SLC1A6: variants seen among roughly 807,000 people sequenced by gnomAD.
SLC1A6 encodes the protein excitatory amino acid transporter 4.
In SLC1A6, 15 loss-of-function variants were observed where a neutral mutation model predicts 42.1. The ratio of observed to expected loss-of-function variants is 0.36; its 90% CI spans 0.24 to 0.55. The LOEUF is 0.55. Ranked by LOEUF, SLC1A6 falls within the 20% of genes least tolerant of loss-of-function variation. The pLI, the probability that SLC1A6 is intolerant of heterozygous loss-of-function variation, is 0.88. For synonymous variants in SLC1A6, 317 were observed against 319.7 expected (o/e 0.99, Z 0.09); for missense variants, 542 against 772.5 (o/e 0.70, Z 3.54).
intron 7 of SLC1A6, 152 bp downstream of exon 7, chr19:14,956,324 G>A (rs2045462670): frequency 9.3e-6 from 5 of 535,370 alleles, no homozygotes; most frequent in Non-Finnish European, 3.3e-6. Flanking sequence ...GACAATGACT[G>A]GACCCCAGGT....
chr19:14,961,495 G>A (rs886134543), intron 6 of SLC1A6: 1 of 154,172 alleles, frequency 6.5e-6, no homozygotes, highest in Non-Finnish European at 1.4e-5. Context: ...GAACAGATAA[G>A]CAAGGGAGTG....
intron 1 of SLC1A6, among the ~76,000 whole-genome samples, chr19:15,001,126 G>A (rs755388403): frequency 1.3e-5 from 2 of 151,996 alleles, no homozygotes; most frequent in Non-Finnish European, 2.9e-5. Flanking sequence ...GTCACTCAGC[G>A]AACAAATATT....
intron 5 of SLC1A6, among the ~76,000 whole-genome samples, chr19:14,963,831 CT>C (rs5827267): frequency 0.7 from 99,114 of 141,144 alleles, 34,575 homozygotes; most frequent in African/African-American, 0.8. Context: ...CCTAAGTCCT[CT>C]TTTTTTTTTT....
intron 3 of SLC1A6, among the ~76,000 whole-genome samples, chr19:14,969,305 G>A (rs10403281): frequency 1.3e-5 from 2 of 152,050 alleles, no homozygotes; most frequent in Non-Finnish European, 2.9e-5. Flanking sequence ...AGAGCACTGA[G>A]TACAATAGCT....
intron 9 of SLC1A6, 38 bp from the exon 10 acceptor site, chr19:14,950,428 C>T: frequency 6.8e-7 from 1 of 1,461,502 alleles, no homozygotes; most frequent in Non-Finnish European, 9.2e-7. Flanking sequence ...TTAATGGGGG[C>T]TTGAAAAGCT....
intron 5 of SLC1A6, 165 bp downstream of exon 5, chr19:14,964,154 A>G (rs779539287): frequency 3.1e-5 from 20 of 649,562 alleles, no homozygotes; most frequent in Admixed American, 2.5e-4. Context: ...TAACCCCCCC[A>G]GATCACCATG....
chr19:14,965,664 A>G (rs1311875071), intron 4 of SLC1A6, among the ~76,000 whole-genome samples: 1 of 152,146 alleles, frequency 6.6e-6, no homozygotes, highest in Non-Finnish European at 1.5e-5. Context: ...AGCCTGGCCA[A>G]CATGATGAAA....
chr19:14,958,012 C>T (rs772890019), intron 6 of SLC1A6, among the ~76,000 whole-genome samples: 1 of 152,188 alleles, frequency 6.6e-6, no homozygotes, highest in Non-Finnish European at 1.5e-5. Context: ...AGGGGCTCAC[C>T]TGTTTCCCCC....
intron 1 of SLC1A6, among the ~76,000 whole-genome samples, chr19:15,000,957 GTTC>G (rs1276748791): frequency 6.6e-6 from 1 of 152,182 alleles, no homozygotes; most frequent in Non-Finnish European, 1.5e-5. Flanking sequence ...CCTTTCAACA[GTTC>G]TTCTTCCCAC....
chr19:14,991,193 T>C (rs1014423745), intron 1 of SLC1A6, among the ~76,000 whole-genome samples: 1 of 152,118 alleles, frequency 6.6e-6, no homozygotes, highest in Non-Finnish European at 1.5e-5. Context: ...GGAAAGCAGA[T>C]TCGTGGTTGC....
At chr19:14,986,953 T>C (rs762023847) in intron 1 of SLC1A6, among the ~76,000 whole-genome samples, 1 of 152,206 alleles carries the variant, frequency 6.6e-6, no homozygotes, top group Non-Finnish European at 1.5e-5. Context: ...GCTGCTGCGT[T>C]GATTCACGCT....
chr19:14,968,175 G>A (rs2097837), intron 4 of SLC1A6, 128 bp downstream of exon 4: 241,403 of 743,050 alleles, frequency 0.32, 40,781 homozygotes, highest in African/African-American at 0.38. Context: ...AGAAGTGCCC[G>A]TCTCTGCTCT....
intron 1 of SLC1A6, 50 bp from the exon 2 acceptor site, chr19:14,972,967 C>A: frequency 7.0e-7 from 1 of 1,421,000 alleles, no homozygotes; most frequent in South Asian, 1.3e-5. Flanking sequence ...GACAGAAGGC[C>A]GGCGTGGGCA....
chr19:14,991,351 G>A (rs1369128949), intron 1 of SLC1A6, among the ~76,000 whole-genome samples: 1 of 152,102 alleles, frequency 6.6e-6, no homozygotes, highest in African/African-American at 2.4e-5. Flanking sequence ...TTGACTAGGT[G>A]CGGTGGCTCA....
At chr19:14,968,277 T>G in intron 4 of SLC1A6, 26 bp downstream of exon 4, 3 of 1,536,222 alleles carry the variant, frequency 2.0e-6, no homozygotes, top group Non-Finnish European at 2.7e-6. Flanking sequence ...CAAATGTGTA[T>G]ATTGTGGTTT....
chr19:14,996,367 G>C (rs1410407306), intron 1 of SLC1A6, among the ~76,000 whole-genome samples: 1 of 152,122 alleles, frequency 6.6e-6, no homozygotes, highest in Non-Finnish European at 1.5e-5. Flanking sequence ...ACGGATGAAG[G>C]TAATGGTTGC....
At position 14,968,815 on chromosome 19, in the gene SLC1A6, G is replaced by C. The variant is rs546694661; in HGVS notation, c.344-308C>G. Among the ~76,000 whole-genome samples the C allele has an allele frequency of 2.0e-5, 3 of 151,510 alleles. No individual in the cohort carries two copies. In the East Asian group the frequency reaches 5.8e-4, roughly 29 times the overall value. On this transcript the variant is annotated intron_variant, in intron 3 of 9. Transcript: ENST00000594383. ...ACACTTTCACCCCATCCTCTATTGA[G>C]TCTTGTTTTCTCTTGTTTTGCACCA...
chr19:15,003,025 C>T (rs541079385), intron 1 of SLC1A6, among the ~76,000 whole-genome samples: 16 of 152,076 alleles, frequency 1.1e-4, no homozygotes, highest in African/African-American at 3.9e-4. Context: ...CTCACCCAGG[C>T]TAGAGCACAG....
rs2045404599 is a variant in SLC1A6, at chr19:14,950,918, C to T, written c.1500-528G>A. Among the ~76,000 whole-genome samples the T allele has an allele frequency of 3.4e-5, 5 of 147,858 alleles. No individual in the cohort carries two copies. In the Admixed American group the frequency reaches 3.5e-4, roughly 10 times the overall value. ...TATGATCATGCCACTCCACTCCAGC[C>T]TAGATGACAGAACAAGACCCTGTCT... On this transcript the variant is annotated intron_variant, in intron 9 of 9. Transcript: ENST00000594383.
Sources: allele counts gnomAD v4.1 joint callset (sites outside exome capture counted in the v4.1 genomes callset), GRCh38; gene constraint gnomAD v4.1.1; transcripts MANE v1.5; gene names NCBI Gene and HGNC (gene_info 2026-07-23, HGNC 2026-07-21).